The following CNTN5 variants were observed in gnomAD, a reference collection of about 807,000 sequenced individuals.
The protein encoded by CNTN5 is contactin-5.
In CNTN5, 77 loss-of-function variants were observed where a neutral mutation model predicts 129.1. The ratio of observed to expected loss-of-function variants is 0.60; its 90% confidence interval spans 0.50 to 0.72. The LOEUF is 0.72. CNTN5 is among the 30% of genes least tolerant of loss of function. The pLI is 0.00. For synonymous variants in CNTN5, 509 were observed against 465.6 expected (o/e 1.09, Z -1.20); for missense variants, 1,478 against 1,328.8 (o/e 1.11, Z -1.75).
intron 7 of CNTN5, among the ~76,000 whole-genome samples, chr11:99,950,599 G>T (rs1950651529): frequency 6.6e-6 from 1 of 152,178 alleles, no homozygotes; most frequent in African/African-American, 2.4e-5. Context: ...TTTTATAGAT[G>T]AAACTTTTGA....
intron 3 of CNTN5, among the ~76,000 whole-genome samples, chr11:99,609,093 G>A (rs1035701271): frequency 2.0e-5 from 3 of 152,130 alleles, no homozygotes; most frequent in African/African-American, 7.2e-5. Context: ...GGTTATGACA[G>A]ATGATCCATA....
intron 13 of CNTN5, among the ~76,000 whole-genome samples, chr11:100,130,176 G>A (rs1317432628): frequency 2.6e-5 from 4 of 152,010 alleles, no homozygotes; most frequent in Non-Finnish European, 4.4e-5. Flanking sequence ...GAAAGACAAA[G>A]GTAAAACTTA....
chr11:99,524,472 T>C lies in CNTN5; in HGVS notation c.-70-31673T>C, dbSNP rs1947408612. ...CAAATCACCAAAGCCTTTAGTGGTA[T>C]TTGTACAGCGAAATCATGAAATAAT... On this transcript the variant is annotated intron_variant, in intron 2 of 24. Coordinates refer to ENST00000524871, the MANE Select transcript of CNTN5 (RefSeq NM_014361.4). 2.0e-5 allele frequency among the ~76,000 whole-genome samples: 3 copies of C among 152,308 alleles called. No homozygotes were observed. In the South Asian group the frequency reaches 6.2e-4, roughly 32 times the overall value.
At chr11:99,131,454 A>G (rs1858933186) in intron 1 of CNTN5, among the ~76,000 whole-genome samples, 2 of 151,978 alleles carry the variant, frequency 1.3e-5, no homozygotes, top group East Asian at 1.9e-4. Flanking sequence ...TTCAAAAATT[A>G]ACAAATACCG....
At chr11:99,711,588 C>T (rs1954991205) in intron 3 of CNTN5, among the ~76,000 whole-genome samples, 1 of 151,814 alleles carries the variant, frequency 6.6e-6, no homozygotes, top group African/African-American at 2.4e-5. Context: ...CTCATCAGCC[C>T]ATCATTCACG....
At chr11:99,090,085 C>T (rs1378109786) in intron 1 of CNTN5, among the ~76,000 whole-genome samples, 27 of 152,122 alleles carry the variant, frequency 1.8e-4, no homozygotes, top group Admixed American at 1.8e-3. Context: ...TACTTTTAAC[C>T]ATGATGATTG....
intron 3 of CNTN5, among the ~76,000 whole-genome samples, chr11:99,736,636 C>G (rs1943720257): frequency 6.6e-6 from 1 of 152,056 alleles, no homozygotes; most frequent in African/African-American, 2.4e-5. Context: ...GGAAACAATA[C>G]CAGTTAACCA....
chr11:99,292,656 A>AT (rs1032792090), intron 1 of CNTN5, among the ~76,000 whole-genome samples: 3 of 151,948 alleles, frequency 2.0e-5, no homozygotes, highest in African/African-American at 7.3e-5. Flanking sequence ...TTTAAATTTT[A>AT]TTTTTTTATT....
intron 7 of CNTN5, among the ~76,000 whole-genome samples, chr11:99,926,344 C>G (rs1950062504): frequency 6.6e-6 from 1 of 152,062 alleles, no homozygotes; most frequent in Non-Finnish European, 1.5e-5. Context: ...AAAAATGAAT[C>G]CTGACAGTTA....
At chr11:100,284,243 T>C (rs188069760) in intron 18 of CNTN5, among the ~76,000 whole-genome samples, 1 of 152,216 alleles carries the variant, frequency 6.6e-6, no homozygotes, top group Non-Finnish European at 1.5e-5. Context: ...CACCTGATTT[T>C]TGGTTCTTAC....
intron 3 of CNTN5, among the ~76,000 whole-genome samples, chr11:99,747,972 T>G (rs918102155): frequency 3.3e-5 from 5 of 152,214 alleles, no homozygotes; most frequent in Non-Finnish European, 7.3e-5. Flanking sequence ...TACTATCACA[T>G]GATTTTTATT....
At chr11:100,024,282 CT>C in intron 9 of CNTN5, among the ~76,000 whole-genome samples, 1 of 152,150 alleles carries the variant, frequency 6.6e-6, no homozygotes, top group East Asian at 1.9e-4. Context: ...CCTTGCTTCC[CT>C]TTCACCTTCC....
chr11:99,844,590 A>G (rs1947620995), intron 4 of CNTN5: 4 of 426,956 alleles, frequency 9.4e-6, no homozygotes, highest in Non-Finnish European at 1.7e-5. Flanking sequence ...ACAAAGATAT[A>G]TATTTAAAAT....
chr11:99,115,120 A>C (rs1857982402), intron 1 of CNTN5, among the ~76,000 whole-genome samples: 1 of 152,184 alleles, frequency 6.6e-6, no homozygotes, highest in South Asian at 2.1e-4. Context: ...CAGCCTCCCA[A>C]ACTGTGAGAA....
intron 3 of CNTN5, among the ~76,000 whole-genome samples, chr11:99,757,107 G>T (rs1404661477): frequency 6.6e-6 from 1 of 151,986 alleles, no homozygotes; most frequent in African/African-American, 2.4e-5. Context: ...GGGTCGTGTT[G>T]TCTCTGAAGG....
chr11:99,228,333 C>G (rs1476297183), intron 1 of CNTN5, among the ~76,000 whole-genome samples: 1 of 152,042 alleles, frequency 6.6e-6, no homozygotes, highest in African/African-American at 2.4e-5. Context: ...TGGCAAGCGT[C>G]TGTGTGAGAG....
chr11:99,419,640 A>T (rs190858998), intron 2 of CNTN5, among the ~76,000 whole-genome samples: 1 of 152,244 alleles, frequency 6.6e-6, no homozygotes, highest in Non-Finnish European at 1.5e-5. Context: ...ATCATTCCCA[A>T]TTTTTAAATA....
chr11:99,395,266 T>C (rs1412308674), intron 2 of CNTN5, among the ~76,000 whole-genome samples: 1 of 152,044 alleles, frequency 6.6e-6, no homozygotes, highest in Non-Finnish European at 1.5e-5. Context: ...CATTGTGGTT[T>C]TGATTTGCAT....
intron 2 of CNTN5, among the ~76,000 whole-genome samples, chr11:99,495,323 G>A (rs752418383): frequency 6.6e-6 from 1 of 152,140 alleles, no homozygotes; most frequent in East Asian, 1.9e-4. Context: ...AGCTGAGATC[G>A]CACCACTGCA....
Sources: gnomAD v4.1 joint callset for allele counts (sites outside exome capture counted in the v4.1 genomes callset) on GRCh38, gnomAD v4.1.1 for gene constraint, MANE v1.5 for transcripts, NCBI Gene and HGNC (gene_info 2026-07-23, HGNC 2026-07-21) for gene names.